The following RAMP3 variants were observed in gnomAD, a reference collection of about 807,000 sequenced individuals.
RAMP3 encodes receptor activity modifying protein 3.
A neutral mutation model predicts 13.5 loss-of-function variants in RAMP3; 14 were observed. The observed-to-expected ratio is 1.04, with a 90% confidence interval of 0.69 to 1.63. The LOEUF is 1.63. Ranked by LOEUF, RAMP3 falls within the 40% of genes most tolerant of loss-of-function variation. The probability of loss-of-function intolerance (pLI) is 0.00; values close to 1 mark genes in which losing one functional copy is unlikely to be tolerated. For synonymous variants in RAMP3, 106 were observed against 88.3 expected (o/e 1.20, Z -1.12); for missense variants, 200 against 204.8 (o/e 0.98, Z 0.14).
intron 1 of RAMP3, among the ~76,000 whole-genome samples, chr7:45,159,931 A>T (rs113275690): frequency 1.3e-5 from 2 of 152,326 alleles, no homozygotes; most frequent in African/African-American, 4.8e-5. Flanking sequence ...CGTTTTTATC[A>T]TTAAATGATG....
intron 1 of RAMP3, among the ~76,000 whole-genome samples, chr7:45,169,268 T>C (rs1562953275): frequency 6.6e-6 from 1 of 152,230 alleles, no homozygotes; most frequent in African/African-American, 2.4e-5. Flanking sequence ...GTCAAGATTA[T>C]ACTGGCTTCA....
chr7:45,173,065 G>A (rs939254213), intron 1 of RAMP3, among the ~76,000 whole-genome samples: 2 of 152,162 alleles, frequency 1.3e-5, no homozygotes, highest in Admixed American at 6.5e-5. Flanking sequence ...TCTCATCTTG[G>A]CCTTTATCCA....
chr7:45,160,623 G>A (rs1403742276), intron 1 of RAMP3, among the ~76,000 whole-genome samples: 1 of 152,102 alleles, frequency 6.6e-6, no homozygotes, highest in African/African-American at 2.4e-5. Context: ...CTGTCAAGGA[G>A]GGGGAGAGCG....
chr7:45,157,981 C>T, intron 1 of RAMP3, 95 bp downstream of exon 1: 3 of 1,177,110 alleles, frequency 2.5e-6, no homozygotes, highest in Non-Finnish European at 3.3e-6. Context: ...GCGCCGCGGT[C>T]CTTCCCTTGC....
intron 1 of RAMP3, among the ~76,000 whole-genome samples, chr7:45,172,517 C>G (rs1405934833): frequency 6.6e-6 from 1 of 152,168 alleles, no homozygotes; most frequent in African/African-American, 2.4e-5. Context: ...ACTTTGTCAC[C>G]CAGGCTAGAG....
At chr7:45,176,862 T>C (rs982317847) in intron 1 of RAMP3, among the ~76,000 whole-genome samples, 6 of 152,194 alleles carry the variant, frequency 3.9e-5, no homozygotes, top group African/African-American at 1.2e-4. Flanking sequence ...TGGTCTTTAC[T>C]GGCCTGGAGC....
At chr7:45,168,501 A>G (rs1001236586) in intron 1 of RAMP3, among the ~76,000 whole-genome samples, 1 of 151,720 alleles carries the variant, frequency 6.6e-6, no homozygotes, top group African/African-American at 2.4e-5. Flanking sequence ...ATTACTAAGA[A>G]TTTTATTATT....
intron 1 of RAMP3, among the ~76,000 whole-genome samples, chr7:45,164,629 T>C (rs1490582581): frequency 6.6e-6 from 1 of 152,256 alleles, no homozygotes; most frequent in African/African-American, 2.4e-5. Flanking sequence ...TGTGTTTTGA[T>C]GCTGTTATTA....
intron 1 of RAMP3, among the ~76,000 whole-genome samples, chr7:45,158,457 TC>T (rs890289365): frequency 6.6e-6 from 1 of 152,186 alleles, no homozygotes; most frequent in African/African-American, 2.4e-5. Flanking sequence ...AATGCCTTCT[TC>T]GGCAAGAAAT....
In RAMP3 at chr7:45,184,186, G is replaced by C; in HGVS notation, c.*774G>C. On this transcript the variant is annotated 3_prime_UTR_variant, in exon 3 of 3. Transcript: ENST00000242249. ...GGGGCCCTCTGGAATGGCATCCCAT[G>C]AGCTTGTGGCCTCTATCTGCTACCA... 1 of 398,770 alleles carries C rather than the reference G, an allele frequency of 2.5e-6. No individual in the cohort carries two copies. The highest frequency in any genetic ancestry group is 4.4e-6 in the Non-Finnish European group (1 of 226,206). The allele number at this position is 398,770 out of a possible 1,614,324, so 24.7% of individuals were successfully genotyped here.
intron 1 of RAMP3, among the ~76,000 whole-genome samples, chr7:45,168,461 G>A (rs1159465187): frequency 2.1e-5 from 3 of 146,018 alleles, no homozygotes; most frequent in Non-Finnish European, 4.5e-5. Flanking sequence ...ACTTTTCGGA[G>A]TACAAGTTTT....
chr7:45,174,046 C>A (rs575365885), intron 1 of RAMP3, among the ~76,000 whole-genome samples: 7 of 152,128 alleles, frequency 4.6e-5, no homozygotes, highest in African/African-American at 1.7e-4. Context: ...TGGGCACTCC[C>A]AGCTGAGGAA....
chr7:45,172,462 G>A (rs1439372358), intron 1 of RAMP3, among the ~76,000 whole-genome samples: 2 of 152,168 alleles, frequency 1.3e-5, no homozygotes, highest in Non-Finnish European at 2.9e-5. Context: ...CCAGAAGTCT[G>A]TACCCCCTTG....
At chr7:45,168,790 G>T (rs560391369) in intron 1 of RAMP3, among the ~76,000 whole-genome samples, 6 of 152,042 alleles carry the variant, frequency 3.9e-5, no homozygotes, top group Non-Finnish European at 8.8e-5. Context: ...AATTGCTCTG[G>T]CTAGAACTTC....
intron 1 of RAMP3, among the ~76,000 whole-genome samples, chr7:45,175,300 C>T (rs1457320141): frequency 6.6e-6 from 1 of 152,196 alleles, no homozygotes; most frequent in African/African-American, 2.4e-5. Flanking sequence ...TTCACCCAGC[C>T]TGTGTCCTTG....
Position 45,161,625 on chromosome 7 carries a change from CAG to C in RAMP3, c.58+3740_58+3741del, listed in dbSNP as rs532513052. On this transcript the variant is annotated intron_variant, in intron 1 of 2. Coordinates refer to ENST00000242249, the MANE Select transcript of RAMP3 (RefSeq NM_005856.3). ...GAGGAAGGAAGGAGAGGAGAGGAAA[CAG>C]GGGAGGGGGAGGAGGGTAAAGAAGG... 2.7e-3 allele frequency among the ~76,000 whole-genome samples: 384 copies of C among 143,134 alleles called. 2 individuals are homozygous for C. Among genetic ancestry groups the C allele is most frequent in the African/African-American group, 9.7e-3 (370 of 38,264 alleles). The allele number at this position is 143,134 out of a possible 152,430, so 93.9% of individuals were successfully genotyped here. A position where few individuals can be genotyped will look rare whatever the true frequency, so the allele number is the denominator to read the frequency against.
Position 45,157,822 on chromosome 7 carries a change from G to A in RAMP3, c.-7G>A, listed in dbSNP as rs1277747090. ...ACCGAGCGTGACCCAGCTGCGGCCG[G>A]CCAGCCATGGAGACTGGAGCGCTGC... is the stretch of plus-strand genomic sequence containing the variant. On this transcript the variant is annotated 5_prime_UTR_variant, in exon 1 of 3. Transcript: ENST00000242249. 2 of 1,443,574 alleles carry A rather than the reference G, an allele frequency of 1.4e-6. No homozygotes were observed. Among genetic ancestry groups the A allele is most frequent in the Non-Finnish European group, 1.8e-6 (2 of 1,107,130 alleles). The allele number at this position is 1,443,574 out of a possible 1,614,324, so 89.4% of individuals were successfully genotyped here. A position where few individuals can be genotyped will look rare whatever the true frequency, so the allele number is the denominator to read the frequency against.
At chr7:45,159,364 G>A (rs1179590462) in intron 1 of RAMP3, among the ~76,000 whole-genome samples, 1 of 152,226 alleles carries the variant, frequency 6.6e-6, no homozygotes, top group Non-Finnish European at 1.5e-5. Context: ...ACCCACATCT[G>A]CCCTGGATGC....
At chr7:45,175,644 C>T (rs1432572177) in intron 1 of RAMP3, among the ~76,000 whole-genome samples, 5 of 152,170 alleles carry the variant, frequency 3.3e-5, no homozygotes, top group African/African-American at 9.7e-5. Context: ...TTTGTGTTCT[C>T]CTCTGTGGGG....
Sources: gnomAD v4.1 joint callset for allele counts (sites outside exome capture counted in the v4.1 genomes callset) on GRCh38, gnomAD v4.1.1 for gene constraint, MANE v1.5 for transcripts, NCBI Gene and HGNC (gene_info 2026-07-23, HGNC 2026-07-21) for gene names.